The following PRR12 variants were observed in gnomAD, a reference collection of about 807,000 sequenced individuals.
PRR12 encodes the protein proline-rich protein 12.
A neutral mutation model predicts 138.0 loss-of-function variants in PRR12; 12 were observed. The ratio of observed to expected loss-of-function variants is 0.09; its 90% CI spans 0.06 to 0.14. The LOEUF (loss-of-function observed/expected upper bound fraction) is 0.14. Among genes scored for constraint, PRR12 ranks in the 10% least tolerant of loss-of-function variants. The probability of loss-of-function intolerance (pLI) is 1.00; values close to 1 mark genes in which losing one functional copy is unlikely to be tolerated. For synonymous variants in PRR12, 1,567 were observed against 1,291.7 expected (o/e 1.21, Z -4.57); for missense variants, 2,692 against 2,861.3 (o/e 0.94, Z 1.35).
chr19:49,611,190 GCGC>G (rs750395102), intron 6 of PRR12, among the ~76,000 whole-genome samples: 2 of 152,204 alleles, frequency 1.3e-5, no homozygotes, highest in Non-Finnish European at 2.9e-5. Context: ...AGGAGTGGTG[GCGC>G]ATACCTGTAG....
In PRR12 at chr19:49,597,030, G is replaced by A. The variant is rs772679348; in HGVS notation, c.2695G>A (p.Val899Ile). The A allele has an allele frequency of 2.2e-5, 35 of 1,557,598 alleles. No individual in the cohort carries two copies. The highest frequency in any genetic ancestry group is 3.3e-4 in the Middle Eastern group (2 of 5,982). ...GCCCCCGGCGCCTGGGGATACTGGC[G>A]TAGGCCCACCAAACTCGGAGGGCAA... The part of the protein sequence containing the change: ...PLPPAPGDTG[V>I]GPPNSEGKDP... The change falls in exon 4 of 14, where the codon GTA (valine) becomes ATA (isoleucine). Residue 899 changes from valine to isoleucine, a missense_variant. This residue lies in a region of PRR12 where 840 missense variants were observed against 689.8 expected (regional missense o/e 1.22). Coordinates refer to ENST00000418929, the MANE Select transcript of PRR12 (RefSeq NM_020719.3). This position sits in a 1 kb window ranked among gnomAD's most constrained non-coding sequence, Gnocchi z 6.3.
At position 49,596,845 on chromosome 19, in the gene PRR12, CACCGCCA is replaced by C; in HGVS notation, c.2511_2517del (p.Pro839ArgfsTer59). 1 of 1,575,438 alleles carries C rather than the reference CACCGCCA, an allele frequency of 6.3e-7. No individual in the cohort carries two copies. Among genetic ancestry groups the C allele is most frequent in the African/African-American group, 1.3e-5 (1 of 74,404 alleles). ...CGCGATGGGGCACCCCAGCCACCTC[CACCGCCA>C]CCCCCGCCTCCACCACCCATGCCCC... is the stretch of plus-strand genomic sequence containing the variant. On this transcript the variant is annotated frameshift_variant, in exon 4 of 14. Transcript: ENST00000418929. LOFTEE classifies it high-confidence loss of function. The surrounding 1 kb of genome is among the most constrained non-coding windows in gnomAD (Gnocchi z 5.6).
rs540610243 is a variant in PRR12, at chr19:49,621,260, C to A, written c.5624-265C>A. Among the ~76,000 whole-genome samples the A allele has an allele frequency of 2.4e-5, 3 of 126,622 alleles. No homozygotes were observed. In the South Asian group the frequency reaches 8.1e-4, roughly 34 times the overall value. 83.1% of individuals were successfully genotyped at this position (126,622 alleles called of 152,430 possible). A position where few individuals can be genotyped will look rare whatever the true frequency, so the allele number is the denominator to read the frequency against. On this transcript the variant is annotated intron_variant, in intron 10 of 13. Transcript: ENST00000418929. ...GTCAGAGAGAGGAGGGGCTGGGGGTCTGGACTCCTGGGTCTGAGGGAGGAG... is the reference window on the plus strand; with the variant it reads ...GTCAGAGAGAGGAGGGGCTGGGGGTATGGACTCCTGGGTCTGAGGGAGGAG...
chr19:49,591,817 C>G lies in PRR12; in HGVS notation c.86+77C>G, dbSNP rs1291720378. 9 of 890,306 alleles carry G rather than the reference C, an allele frequency of 1.0e-5. 1 individual carries two copies. The South Asian group carries it at 3.4e-4, about 34-fold the overall frequency. The allele number at this position is 890,306 out of a possible 1,614,324, so 55.2% of individuals were successfully genotyped here. On this transcript the variant is annotated intron_variant, in intron 1 of 13. Coordinates refer to ENST00000418929, the MANE Select transcript of PRR12 (RefSeq NM_020719.3). ...CCGGGCCGGGCCGGGCCGGGCCGGG[C>G]CCGCCCGGCGACGCGTGCATCGCAA...
intron 6 of PRR12, among the ~76,000 whole-genome samples, chr19:49,612,100 A>G (rs919950479): frequency 2.0e-5 from 3 of 150,714 alleles, no homozygotes; most frequent in Non-Finnish European, 4.4e-5. Context: ...GCGTGGTGGC[A>G]TGTGCCTCTA....
intron 6 of PRR12, among the ~76,000 whole-genome samples, chr19:49,610,194 C>T (rs1440206064): frequency 6.6e-6 from 1 of 151,928 alleles, no homozygotes; most frequent in Non-Finnish European, 1.5e-5. Context: ...AGGCTGGTCT[C>T]GAACTCCCGA....
Position 49,615,976 on chromosome 19 carries a change from C to A in PRR12, c.5254C>A (p.Arg1752=), listed in dbSNP as rs370607406. ...KEKEKVTRGE[R]PLRGERATSG... is the part of the protein sequence containing the mutation. ...GAAGGAGAAGGTGACACGTGGAGAGCGGCCATTGCGGGGTGAGCGGGCCAC... is the reference window on the plus strand; with the variant it reads ...GAAGGAGAAGGTGACACGTGGAGAGAGGCCATTGCGGGGTGAGCGGGCCAC... The change falls in exon 9 of 14, where the codon CGG becomes AGG. Residue 1752 remains arginine, a synonymous_variant. Coordinates refer to ENST00000418929, the MANE Select transcript of PRR12 (RefSeq NM_020719.3). 6.4e-7 allele frequency: 1 copy of A among 1,552,548 alleles called. No individual in the cohort carries two copies. Among genetic ancestry groups the A allele is most frequent in the Non-Finnish European group, 8.7e-7 (1 of 1,147,556 alleles).
chr19:49,603,536 C>CA (rs1268937387), intron 6 of PRR12, among the ~76,000 whole-genome samples: 1 of 151,986 alleles, frequency 6.6e-6, no homozygotes, highest in Non-Finnish European at 1.5e-5. Flanking sequence ...ACTAAAAATA[C>CA]AAAAAATTAA....
In PRR12 at chr19:49,597,751, A is replaced by T; in HGVS notation, c.3416A>T (p.Asp1139Val). Reference protein sequence around the residue: ...RSRPALSPLGDIDFCPPNPGP... With the variant: ...RSRPALSPLGVIDFCPPNPGP... ...CGTCCGGCCCTCTCGCCACTGGGGG[A>T]CATCGACTTCTGCCCACCCAACCCA... The change falls in exon 4 of 14, where the codon GAC (aspartate) becomes GTC (valine). Residue 1139 changes from aspartate to valine, a missense_variant. Physicochemically the swap from Asp to Val is radical, Grantham distance 152. Coordinates refer to ENST00000418929, the MANE Select transcript of PRR12 (RefSeq NM_020719.3). This position sits in a 1 kb window ranked among gnomAD's most constrained non-coding sequence, Gnocchi z 6.3. 1.2e-6 allele frequency: 2 copies of T among 1,605,966 alleles called. No homozygotes were observed. The highest frequency in any genetic ancestry group is 1.7e-6 in the Non-Finnish European group (2 of 1,177,164).
rs1161437439 is a variant in PRR12 at position 49,614,165 on chromosome 19, G to A, written c.4774-368G>A. Among the ~76,000 whole-genome samples the A allele has an allele frequency of 2.0e-5, 3 of 152,156 alleles. No homozygotes were observed. The highest frequency in any genetic ancestry group is 7.2e-5 in the African/African-American group (3 of 41,440). On this transcript the variant is annotated intron_variant, in intron 6 of 13. Transcript: ENST00000418929. The surrounding 1 kb of genome is among the most constrained non-coding windows in gnomAD (Gnocchi z 5.0). ...TGGGGGGACAGTCAGACCACAACAG[G>A]ACGTCTTGCTCACAACCGTACTCTC...
chr19:49,613,656 C>G (rs774903427), intron 6 of PRR12, among the ~76,000 whole-genome samples: 3 of 152,186 alleles, frequency 2.0e-5, no homozygotes, highest in Non-Finnish European at 4.4e-5. Flanking sequence ...TCTCAGGTAA[C>G]CTCACCTGCC....
rs2080947646 is a variant in PRR12 at position 49,625,037 on chromosome 19, T to C, written c.5868+47T>C. On this transcript the variant is annotated intron_variant, in intron 12 of 13. Coordinates refer to ENST00000418929, the MANE Select transcript of PRR12 (RefSeq NM_020719.3). The surrounding 1 kb of genome is among the most constrained non-coding windows in gnomAD (Gnocchi z 5.5). ...GGGAGTGGGGAGTGCTGGCGGTATG[T>C]GGGAAGGGAGGAGAGGGGCTGCCAA... The C allele has an allele frequency of 6.3e-7, 1 of 1,583,192 alleles. No homozygotes were observed. Among genetic ancestry groups the C allele is most frequent in the African/African-American group, 1.4e-5 (1 of 74,040 alleles).
chr19:49,592,573 A>G lies in PRR12; in HGVS notation c.87-754A>G, dbSNP rs150968883. Among the ~76,000 whole-genome samples the G allele has an allele frequency of 4.7e-4, 71 of 151,862 alleles. No homozygotes were observed. In the East Asian group the frequency reaches 0.012, roughly 26 times the overall value. ...ACCTATCCCCAGCACCTCCCCCCCA[A>G]CACACCTGGATTTCCCAGCAGGGCA... On this transcript the variant is annotated intron_variant, in intron 1 of 13. Transcript: ENST00000418929.
At chr19:49,610,026 G>C (rs1359157403) in intron 6 of PRR12, among the ~76,000 whole-genome samples, 1 of 151,516 alleles carries the variant, frequency 6.6e-6, no homozygotes, top group African/African-American at 2.4e-5. Context: ...CCAGACTGGA[G>C]TGCGATGGCG....
intron 6 of PRR12, among the ~76,000 whole-genome samples, chr19:49,611,791 C>T (rs1333581764): frequency 5.5e-5 from 8 of 146,428 alleles, no homozygotes; most frequent in South Asian, 2.1e-4. Context: ...GGCGTGGTGG[C>T]GGGCGCCTGT....
At position 49,625,269 on chromosome 19, in the gene PRR12, G is replaced by A; in HGVS notation, c.5964+69G>A. The A allele has an allele frequency of 6.5e-7, 1 of 1,545,712 alleles. No individual in the cohort carries two copies. Among genetic ancestry groups the A allele is most frequent in the Non-Finnish European group, 8.9e-7 (1 of 1,123,910 alleles). On this transcript the variant is annotated intron_variant, in intron 13 of 13. Coordinates refer to ENST00000418929, the MANE Select transcript of PRR12 (RefSeq NM_020719.3). The surrounding 1 kb of genome is among the most constrained non-coding windows in gnomAD (Gnocchi z 5.5). ...TTCTGACTTCCTCTTGGGATCTGAGGGTCCAAGCCCAGCCCCATCCTGCCT... is the reference window on the plus strand; with the variant it reads ...TTCTGACTTCCTCTTGGGATCTGAGAGTCCAAGCCCAGCCCCATCCTGCCT...
In PRR12 at chr19:49,602,019, A is replaced by G. The variant is rs1327465429; in HGVS notation, c.4773+101A>G. ...GGCTTGTGCTGAGACCTGCAGATCC[A>G]GTCGTGGCCGGGCCGCCCTGGAATT... is the stretch of plus-strand genomic sequence containing the variant. On this transcript the variant is annotated intron_variant, in intron 6 of 13. Transcript: ENST00000418929. 16 of 1,430,902 alleles carry G rather than the reference A, an allele frequency of 1.1e-5. No individual in the cohort carries two copies. In the East Asian group the frequency reaches 3.2e-4, roughly 29 times the overall value. The allele number at this position is 1,430,902 out of a possible 1,614,324, so 88.6% of individuals were successfully genotyped here. A position where few individuals can be genotyped will look rare whatever the true frequency, so the allele number is the denominator to read the frequency against.
chr19:49,608,852 A>C (rs534612271), intron 6 of PRR12, among the ~76,000 whole-genome samples: 41 of 151,956 alleles, frequency 2.7e-4, no homozygotes, highest in African/African-American at 8.9e-4. Flanking sequence ...AAAAAAAAAA[A>C]CAAAAAAAAC....
In PRR12 at chr19:49,624,826, C is replaced by A; in HGVS notation, c.5722-18C>A. ...TGGATCCAGGGCAGCATCCAGCTGA[C>A]CCATTGGCTTCCCGCAGGATGCTCT... On this transcript the variant is annotated intron_variant, in intron 11 of 13. Coordinates refer to ENST00000418929, the MANE Select transcript of PRR12 (RefSeq NM_020719.3). 1 of 1,609,264 alleles carries A rather than the reference C, an allele frequency of 6.2e-7. No individual in the cohort carries two copies. Among genetic ancestry groups the A allele is most frequent in the Non-Finnish European group, 8.5e-7 (1 of 1,178,110 alleles).
Sources: gnomAD v4.1 joint callset for allele counts (sites outside exome capture counted in the v4.1 genomes callset) on GRCh38, gnomAD v4.1.1 for gene constraint, gnomAD v4.1.1 regional missense constraint, Gnocchi (gnomAD v3.1) non-coding constraint, MANE v1.5 for transcripts, NCBI Gene and HGNC (gene_info 2026-07-23, HGNC 2026-07-21) for gene names.